PALS1: variants seen among roughly 807,000 people sequenced by gnomAD.
The protein encoded by PALS1 is protein associated with LIN7 1, MAGUK p55 family member, also known as protein PALS1.
A neutral mutation model predicts 78.9 loss-of-function variants in PALS1; 31 were observed. The observed-to-expected ratio is 0.39, with a 90% CI of 0.30 to 0.53. The LOEUF (loss-of-function observed/expected upper bound fraction) is 0.53, where lower values mean the gene tolerates loss of function less well. PALS1 is among the 20% of genes least tolerant of loss of function. PALS1 has a pLI of 0.67. For synonymous variants in PALS1, 276 were observed against 270.9 expected (o/e 1.02, Z -0.18); for missense variants, 704 against 826.5 (o/e 0.85, Z 1.82).
chr14:67,281,231 C>T (rs550133374), intron 3 of PALS1, among the ~76,000 whole-genome samples: 20 of 152,174 alleles, frequency 1.3e-4, no homozygotes, highest in African/African-American at 4.8e-4. Context: ...ATCACATCAT[C>T]TTCTTTTCTT....
intron 1 of PALS1, among the ~76,000 whole-genome samples, chr14:67,250,596 A>C (rs2084050728): frequency 6.6e-6 from 1 of 152,210 alleles, no homozygotes; most frequent in African/African-American, 2.4e-5. Flanking sequence ...TGAAACACAC[A>C]CACTGTTCAT....
Position 67,333,304 on chromosome 14 carries a change from C to T in PALS1, c.*348C>T, listed in dbSNP as rs956965069. 1 of 173,320 alleles carries T rather than the reference C, an allele frequency of 5.8e-6. No homozygotes were observed. The highest frequency in any genetic ancestry group is 5.9e-5 in the Admixed American group (1 of 17,074). 10.7% of individuals were successfully genotyped at this position (173,320 alleles called of 1,614,324 possible). On this transcript the variant is annotated 3_prime_UTR_variant, in exon 15 of 15. Transcript: ENST00000261681. ...TGAAAAACTTGTATACACAAGCGTC[C>T]ATGTCTCACACAAATATTGATGTGA...
At chr14:67,328,972 G>A (rs1228414388) in intron 14 of PALS1, among the ~76,000 whole-genome samples, 1 of 152,006 alleles carries the variant, frequency 6.6e-6, no homozygotes, top group Non-Finnish European at 1.5e-5. Context: ...CTCTTTTTTG[G>A]TTCCATATGA....
chr14:67,301,418 T>A lies in PALS1; in HGVS notation c.606T>A (p.His202Gln). Residue 202 changes from histidine to glutamine, a missense_variant, in exon 5 of 15, where the codon CAT becomes CAA. Transcript: ENST00000261681. ...AAACTGTTTTGAAGCCAGTTCATCATAAGGAAGGACAAGAACTAACTGCTT... is the reference window on the plus strand; with the variant it reads ...AAACTGTTTTGAAGCCAGTTCATCAAAAGGAAGGACAAGAACTAACTGCTT... The part of the protein sequence containing the change: ...EVQTVLKPVH[H>Q]KEGQELTALL... The A allele has an allele frequency of 6.2e-7, 1 of 1,610,718 alleles. No homozygotes were observed. The highest frequency in any genetic ancestry group is 8.5e-7 in the Non-Finnish European group (1 of 1,178,022).
intron 14 of PALS1, among the ~76,000 whole-genome samples, chr14:67,331,903 G>C (rs1223804842): frequency 1.4e-5 from 2 of 145,354 alleles, no homozygotes; most frequent in Admixed American, 6.9e-5. Context: ...AGGATTCTGT[G>C]TGCCATATTC....
chr14:67,294,735 CGA>C (rs2140841645), intron 4 of PALS1: 1 of 151,850 alleles, frequency 6.6e-6, no homozygotes, highest in East Asian at 1.9e-4. Context: ...TGCAGTGGCA[CGA>C]TCTCAGCTCA....
At chr14:67,315,770 C>T (rs1056588337) in intron 9 of PALS1, among the ~76,000 whole-genome samples, 1 of 152,162 alleles carries the variant, frequency 6.6e-6, no homozygotes, top group Non-Finnish European at 1.5e-5. Flanking sequence ...ACTAAAAATA[C>T]AACCATTAGC....
At position 67,283,958 on chromosome 14, in the gene PALS1, G is replaced by T. The variant is rs142699565; in HGVS notation, c.367+4421G>T. Among the ~76,000 whole-genome samples the T allele has an allele frequency of 4.6e-5, 7 of 152,274 alleles. No individual in the cohort carries two copies. In the East Asian group the frequency reaches 1.3e-3, roughly 29 times the overall value. On this transcript the variant is annotated intron_variant, in intron 3 of 14. Transcript: ENST00000261681. ...CGGTAGCTGCATATTGGAAAGTAGGGATAATAGAGTCAAAACTGAGTTTAA... is the reference window on the plus strand; with the variant it reads ...CGGTAGCTGCATATTGGAAAGTAGGTATAATAGAGTCAAAACTGAGTTTAA...
Position 67,319,633 on chromosome 14 carries a change from C to T in PALS1, c.1370-597C>T, listed in dbSNP as rs569489117. ...GCTAAAAAAAAAAAAAAAAAAATTG[C>T]AAAACAATCTCACAGTGTTTTAAGA... On this transcript the variant is annotated intron_variant, in intron 11 of 14. Transcript: ENST00000261681. 7.0e-3 allele frequency among the ~76,000 whole-genome samples: 1,035 copies of T among 148,828 alleles called. 19 individuals carry two copies. The highest frequency in any genetic ancestry group is 0.025 in the African/African-American group (998 of 40,174).
At chr14:67,303,394 G>A (rs1342626300) in intron 7 of PALS1, 128 bp from the exon 8 acceptor site, 1 of 676,434 alleles carries the variant, frequency 1.5e-6, no homozygotes, top group Non-Finnish European at 2.6e-6. Flanking sequence ...GTAGAGCAAA[G>A]TGCTGCTGGT....
chr14:67,245,951 A>G lies in PALS1; in HGVS notation c.-237+4418A>G, dbSNP rs1403937485. On this transcript the variant is annotated intron_variant, in intron 1 of 14. Coordinates refer to ENST00000261681, the MANE Select transcript of PALS1 (RefSeq NM_022474.4). ...TATTTTTGTATAAAATGAGAGAAGT[A>G]CAAGTTGTTTCACTTATTTGTTTGT... 3.9e-5 allele frequency among the ~76,000 whole-genome samples: 6 copies of G among 152,132 alleles called. No homozygotes were observed. In the South Asian group the frequency reaches 6.2e-4, roughly 16 times the overall value.
chr14:67,266,006 A>G (rs1478189629), intron 1 of PALS1, among the ~76,000 whole-genome samples: 1 of 152,152 alleles, frequency 6.6e-6, no homozygotes, highest in African/African-American at 2.4e-5. Context: ...ACAAGGTCTC[A>G]CTGTGTTGCC....
intron 2 of PALS1, among the ~76,000 whole-genome samples, chr14:67,275,546 A>T (rs1231834866): frequency 6.6e-6 from 1 of 152,170 alleles, no homozygotes; most frequent in Non-Finnish European, 1.5e-5. Flanking sequence ...AGATTTTCGC[A>T]TCGACATTCA....
At chr14:67,269,343 G>A (rs1443913272) in intron 1 of PALS1, among the ~76,000 whole-genome samples, 1 of 152,090 alleles carries the variant, frequency 6.6e-6, no homozygotes, top group African/African-American at 2.4e-5. Flanking sequence ...GTTTTTGTGT[G>A]TGTGTGTGTA....
intron 1 of PALS1, among the ~76,000 whole-genome samples, chr14:67,260,534 C>T (rs985264022): frequency 2.6e-5 from 4 of 151,852 alleles, no homozygotes; most frequent in South Asian, 2.1e-4. Flanking sequence ...ACAGCAAAGG[C>T]GTAGATTAAG....
intron 1 of PALS1, among the ~76,000 whole-genome samples, chr14:67,262,262 T>A (rs2084250445): frequency 6.6e-6 from 1 of 152,168 alleles, no homozygotes; most frequent in African/African-American, 2.4e-5. Context: ...AGCCTATCCC[T>A]TTTGTGTCCT....
intron 4 of PALS1, among the ~76,000 whole-genome samples, chr14:67,300,865 T>A (rs924586995): frequency 2.1e-4 from 32 of 151,924 alleles, no homozygotes; most frequent in Admixed American, 3.9e-4. Context: ...TATAAAAAAA[T>A]TTATAAAATA....
At chr14:67,285,366 A>ATTT (rs767382946) in intron 3 of PALS1, among the ~76,000 whole-genome samples, 19,131 of 137,712 alleles carry the variant, frequency 0.14, 2,561 homozygotes, top group East Asian at 0.41. Context: ...CCTTAGGTAA[A>ATTT]TTTTTTTTTT....
intron 9 of PALS1, among the ~76,000 whole-genome samples, chr14:67,313,557 G>A (rs933830446): frequency 6.6e-5 from 10 of 152,262 alleles, no homozygotes; most frequent in African/African-American, 2.4e-4. Context: ...AATAAAGAAA[G>A]GAGAGCAGAA....
Sources: allele counts gnomAD v4.1 joint callset (sites outside exome capture counted in the v4.1 genomes callset), GRCh38; gene constraint gnomAD v4.1.1; transcripts MANE v1.5; gene names NCBI Gene and HGNC (gene_info 2026-07-23, HGNC 2026-07-21).